The following RBFOX1 variants were observed in gnomAD, a reference collection of about 807,000 sequenced individuals.
The protein encoded by RBFOX1 is RNA binding fox-1 homolog 1, also known as RNA binding protein fox-1 homolog 1.
A neutral mutation model predicts 57.7 loss-of-function variants in RBFOX1; 8 were observed. The observed-to-expected ratio is 0.14, with a 90% CI of 0.08 to 0.25. RBFOX1 has a LOEUF of 0.25. Ranked by LOEUF, RBFOX1 falls within the 10% of genes least tolerant of loss-of-function variation. The probability of loss-of-function intolerance (pLI) is 1.00; values close to 1 mark genes in which losing one functional copy is unlikely to be tolerated. For synonymous variants in RBFOX1, 326 were observed against 222.4 expected (o/e 1.47, Z -4.15); for missense variants, 611 against 548.5 (o/e 1.11, Z -1.14).
intron 4 of RBFOX1, among the ~76,000 whole-genome samples, chr16:7,397,964 T>C (rs937213183): frequency 4.6e-5 from 7 of 152,310 alleles, no homozygotes; most frequent in Admixed American, 3.9e-4. Flanking sequence ...ATGCAAGCTT[T>C]ATGTTATAAA....
chr16:5,795,429 G>A (rs766421), intron 3 of RBFOX1, among the ~76,000 whole-genome samples: 84,901 of 151,786 alleles, frequency 0.56, 25,147 homozygotes, highest in African/African-American at 0.77. Context: ...TCAGCCTCCC[G>A]AGTAGTGGGA....
chr16:7,500,561 T>A (rs915569722), intron 4 of RBFOX1, among the ~76,000 whole-genome samples: 9 of 152,182 alleles, frequency 5.9e-5, no homozygotes, highest in African/African-American at 2.2e-4. Context: ...GTCATATGGA[T>A]GAAAATATCT....
chr16:6,976,402 G>C (rs544892839), intron 3 of RBFOX1, among the ~76,000 whole-genome samples: 47 of 152,170 alleles, frequency 3.1e-4, no homozygotes, highest in Admixed American at 3.0e-3. Context: ...TCAGAATCCA[G>C]TTTCCAGAGG....
At chr16:5,352,642 A>G (rs1275380361) in intron 1 of RBFOX1, among the ~76,000 whole-genome samples, 2 of 152,226 alleles carry the variant, frequency 1.3e-5, no homozygotes, top group African/African-American at 4.8e-5. Context: ...AAGAAATTTA[A>G]TGATAATAAA....
intron 1 of RBFOX1, among the ~76,000 whole-genome samples, chr16:6,020,707 G>T (rs961278860): frequency 9.9e-5 from 15 of 151,596 alleles, no homozygotes; most frequent in Non-Finnish European, 1.9e-4. Flanking sequence ...CCAGGGGGGG[G>T]CTTGTCAGCT....
chr16:6,492,193 T>C (rs763244745), intron 2 of RBFOX1, among the ~76,000 whole-genome samples: 9 of 152,196 alleles, frequency 5.9e-5, no homozygotes, highest in Non-Finnish European at 1.2e-4. Context: ...TGGAAAATAA[T>C]TTGTTGATGA....
intron 4 of RBFOX1, among the ~76,000 whole-genome samples, chr16:7,312,871 A>T (rs1405395503): frequency 6.6e-6 from 1 of 152,052 alleles, no homozygotes. Context: ...GCTAAAGTGT[A>T]GATCGTCACC....
At chr16:6,474,326 C>T (rs1266700598) in intron 2 of RBFOX1, among the ~76,000 whole-genome samples, 1 of 152,250 alleles carries the variant, frequency 6.6e-6, no homozygotes, top group Non-Finnish European at 1.5e-5. Flanking sequence ...AATCATATCC[C>T]GTGGTCCAAA....
intron 2 of RBFOX1, among the ~76,000 whole-genome samples, chr16:6,638,435 C>G (rs560237126): frequency 1.3e-5 from 2 of 151,980 alleles, no homozygotes; most frequent in East Asian, 1.9e-4. Context: ...AAAATTCATC[C>G]TTAGAGATTG....
At chr16:7,064,455 C>A (rs1024423106) in intron 4 of RBFOX1, among the ~76,000 whole-genome samples, 6 of 152,184 alleles carry the variant, frequency 3.9e-5, no homozygotes, top group Admixed American at 3.9e-4. Context: ...AGGTGTGAGC[C>A]ACCATGCCTG....
chr16:6,571,170 C>G (rs1261662971), intron 2 of RBFOX1, among the ~76,000 whole-genome samples: 1 of 152,136 alleles, frequency 6.6e-6, no homozygotes, highest in Non-Finnish European at 1.5e-5. Flanking sequence ...TTTGTTTTGA[C>G]AACTACAAAC....
intron 4 of RBFOX1, among the ~76,000 whole-genome samples, chr16:7,397,016 A>T (rs538962159): frequency 6.6e-6 from 1 of 152,350 alleles, no homozygotes; most frequent in African/African-American, 2.4e-5. Flanking sequence ...CACATAGCCT[A>T]CACATTCATG....
At chr16:7,191,331 CA>C (rs1567641640) in intron 4 of RBFOX1, among the ~76,000 whole-genome samples, 1 of 106,924 alleles carries the variant, frequency 9.4e-6, no homozygotes, top group African/African-American at 3.6e-5. Context: ...CCGTTGCTGA[CA>C]AAAAAAGAAA....
At chr16:7,299,345 G>C (rs969752404) in intron 4 of RBFOX1, among the ~76,000 whole-genome samples, 1 of 152,224 alleles carries the variant, frequency 6.6e-6, no homozygotes, top group Admixed American at 6.5e-5. Flanking sequence ...AGCGAGTTGT[G>C]AACTGGGTAT....
chr16:6,866,754 G>A (rs1177584917), intron 3 of RBFOX1, among the ~76,000 whole-genome samples: 1 of 151,774 alleles, frequency 6.6e-6, no homozygotes, highest in East Asian at 1.9e-4. Context: ...GTGTTAGCCA[G>A]GATGGTCTCG....
chr16:6,962,547 A>C (rs59498192), intron 3 of RBFOX1, among the ~76,000 whole-genome samples: 4,019 of 152,222 alleles, frequency 0.026, 177 homozygotes, highest in African/African-American at 0.092. Flanking sequence ...AAAGCACCTT[A>C]AAGTTCATTC....
At chr16:6,984,515 C>T (rs1435382253) in intron 3 of RBFOX1, among the ~76,000 whole-genome samples, 2 of 152,154 alleles carry the variant, frequency 1.3e-5, no homozygotes, top group African/African-American at 4.8e-5. Flanking sequence ...GTCTCCTCAC[C>T]TTTAGTAGTC....
At chr16:5,325,251 C>T (rs1256945523) in intron 1 of RBFOX1, among the ~76,000 whole-genome samples, 1 of 151,944 alleles carries the variant, frequency 6.6e-6, no homozygotes, top group Non-Finnish European at 1.5e-5. Flanking sequence ...CCTCTTTTTT[C>T]CTTTCCCCAA....
At chr16:5,709,829 ATATATATATATATATTTTTTTTTTTTT>A (rs1232018730) in intron 3 of RBFOX1, among the ~76,000 whole-genome samples, 2 of 7,488 alleles carry the variant, frequency 2.7e-4, no homozygotes, top group East Asian at 5.1e-3. Context: ...ATATATATAT[ATATATATATATATATTTTTTTTTTTTT>A]TTTTTTTTTT....
Sources: allele counts gnomAD v4.1 joint callset (sites outside exome capture counted in the v4.1 genomes callset), GRCh38; gene constraint gnomAD v4.1.1; transcripts MANE v1.5; gene names NCBI Gene and HGNC (gene_info 2026-07-23, HGNC 2026-07-21).